Variants in FTO observed in about 807,000 individuals in gnomAD.
FTO encodes alpha-ketoglutarate-dependent dioxygenase FTO.
FTO carries 47 observed loss-of-function variants against 63.9 expected under a neutral mutation model. The ratio of observed to expected loss-of-function variants is 0.74; its 90% CI spans 0.58 to 0.94. FTO has a LOEUF of 0.94. FTO is among the 40% of genes least tolerant of loss of function. FTO has a pLI of 0.00. For synonymous variants in FTO, 207 were observed against 224.4 expected (o/e 0.92, Z 0.69); for missense variants, 562 against 618.1 (o/e 0.91, Z 0.96).
intron 4 of FTO, among the ~76,000 whole-genome samples, chr16:53,849,057 A>G (rs775648309): frequency 1.3e-5 from 2 of 152,242 alleles, no homozygotes; most frequent in Non-Finnish European, 2.9e-5. Flanking sequence ...TGCAATAGAA[A>G]TGTAAATGCA....
intron 1 of FTO, among the ~76,000 whole-genome samples, chr16:53,724,742 T>C (rs2151496029): frequency 6.6e-6 from 1 of 152,316 alleles, no homozygotes; most frequent in Admixed American, 6.5e-5. Flanking sequence ...TCAGTTTCTT[T>C]TCCTACATGA....
Position 53,888,699 on chromosome 16 carries a change from A to T in FTO, c.1120-133A>T, listed in dbSNP as rs114569670. On this transcript the variant is annotated intron_variant, in intron 6 of 8. Coordinates refer to ENST00000471389, the MANE Select transcript of FTO (RefSeq NM_001080432.3). ...TGCCAGCTTACACTGGGAACTGGTT[A>T]GGCTGACCTTTCTCACCTTTTCTCA... is the stretch of plus-strand genomic sequence containing the variant. The T allele has an allele frequency of 6.9e-4, 646 of 937,676 alleles. 4 individuals are homozygous for T. The African/African-American group carries it at 7.6e-3, about 11-fold the overall frequency. The allele number at this position is 937,676 out of a possible 1,614,324, so 58.1% of individuals were successfully genotyped here.
At chr16:54,002,917 G>T (rs954198484) in intron 8 of FTO, among the ~76,000 whole-genome samples, 4 of 152,198 alleles carry the variant, frequency 2.6e-5, no homozygotes, top group African/African-American at 9.7e-5. Context: ...GACTTTCCCT[G>T]GGGGTCAGGT....
chr16:53,916,973 G>A lies in FTO; in HGVS notation c.1240-17012G>A, dbSNP rs1284094378. ...TGTGTGTCCAAGTGAGACTGTAGTCGGGGAGAGTCCCTGATTGGAGTCTCA... is the reference window on the plus strand; with the variant it reads ...TGTGTGTCCAAGTGAGACTGTAGTCAGGGAGAGTCCCTGATTGGAGTCTCA... On this transcript the variant is annotated intron_variant, in intron 7 of 8. Coordinates refer to ENST00000471389, the MANE Select transcript of FTO (RefSeq NM_001080432.3). Among the ~76,000 whole-genome samples the A allele has an allele frequency of 2.6e-5, 4 of 152,118 alleles. 1 individual carries two copies. The highest frequency in any genetic ancestry group is 7.2e-5 in the African/African-American group (3 of 41,408).
chr16:54,090,604 C>T (rs1473756444), intron 8 of FTO, among the ~76,000 whole-genome samples: 4 of 152,142 alleles, frequency 2.6e-5, no homozygotes, highest in Admixed American at 6.5e-5. Flanking sequence ...AGCATGTCAT[C>T]GACAGTTACA....
chr16:53,991,303 C>T (rs768282393), intron 8 of FTO: 6 of 152,188 alleles, frequency 3.9e-5, no homozygotes, highest in Non-Finnish European at 8.8e-5. Context: ...GATTAATAAG[C>T]ACTGTTAATT....
At chr16:54,033,816 TTAAAA>T (rs1323693838) in intron 8 of FTO, among the ~76,000 whole-genome samples, 2 of 151,966 alleles carry the variant, frequency 1.3e-5, no homozygotes, top group African/African-American at 4.8e-5. Flanking sequence ...ACCCAGTCTC[TTAAAA>T]TAAATAAATA....
chr16:54,057,534 G>T (rs2085463813), intron 8 of FTO, among the ~76,000 whole-genome samples: 1 of 152,134 alleles, frequency 6.6e-6, no homozygotes, highest in Admixed American at 6.5e-5. Flanking sequence ...CACGATCTCG[G>T]CTCACTGCAA....
At position 53,855,032 on chromosome 16, in the gene FTO, A is replaced by ATT. The variant is rs150118790; in HGVS notation, c.895+10735_895+10736dup. 7.7e-4 allele frequency among the ~76,000 whole-genome samples: 115 copies of ATT among 149,880 alleles called. 1 individual carries two copies. Among genetic ancestry groups the ATT allele is most frequent in the South Asian group, 3.6e-3 (17 of 4,786 alleles). On this transcript the variant is annotated intron_variant, in intron 4 of 8. Transcript: ENST00000471389. ...CAAGTTTATTTCTAGGTACTTTATT[A>ATT]TTATTATTTTTTTTAGCTATTATCA...
intron 7 of FTO, among the ~76,000 whole-genome samples, chr16:53,896,918 A>G (rs1041891208): frequency 6.6e-6 from 1 of 152,190 alleles, no homozygotes; most frequent in Non-Finnish European, 1.5e-5. Flanking sequence ...TCCATATTGT[A>G]CAGAAATGTC....
At chr16:54,068,151 T>C (rs2085777677) in intron 8 of FTO, among the ~76,000 whole-genome samples, 1 of 152,170 alleles carries the variant, frequency 6.6e-6, no homozygotes. Flanking sequence ...TTTGAGAAGC[T>C]TCCCCACGGT....
At chr16:53,993,856 T>C (rs2083871387) in intron 8 of FTO, 1 of 152,240 alleles carries the variant, frequency 6.6e-6, no homozygotes, top group East Asian at 1.9e-4. Flanking sequence ...CAAATAATTG[T>C]AGGATTTACG....
intron 7 of FTO, among the ~76,000 whole-genome samples, chr16:53,911,830 G>A (rs1276573822): frequency 6.6e-6 from 1 of 152,182 alleles, no homozygotes; most frequent in African/African-American, 2.4e-5. Flanking sequence ...ACTGGGCTCT[G>A]GCCGTGGTTT....
At chr16:54,098,394 G>A (rs1407575059) in intron 8 of FTO, among the ~76,000 whole-genome samples, 3 of 152,130 alleles carry the variant, frequency 2.0e-5, no homozygotes, top group Non-Finnish European at 4.4e-5. Flanking sequence ...GGTGTTTCTT[G>A]GCATCCAAAA....
intron 1 of FTO, among the ~76,000 whole-genome samples, chr16:53,800,399 C>T (rs2078188648): frequency 6.6e-6 from 1 of 152,086 alleles, no homozygotes; most frequent in African/African-American, 2.4e-5. Context: ...TGTATTGAGA[C>T]CCAGAGATGG....
chr16:53,763,701 C>T (rs548746049), intron 1 of FTO, among the ~76,000 whole-genome samples: 9 of 152,252 alleles, frequency 5.9e-5, no homozygotes, highest in African/African-American at 1.7e-4. Context: ...TGAGACTCTC[C>T]TTTGCAACTG....
chr16:53,893,615 G>A (rs759938744), intron 7 of FTO, among the ~76,000 whole-genome samples: 2 of 151,838 alleles, frequency 1.3e-5, no homozygotes, highest in Non-Finnish European at 2.9e-5. Flanking sequence ...AGAATGCTAG[G>A]TGCGAAATCC....
rs111790664 is a variant in FTO at position 54,087,394 on chromosome 16, G to A, written c.1365-24368G>A. Among the ~76,000 whole-genome samples, 432 of 152,254 alleles carry A rather than the reference G, an allele frequency of 2.8e-3. 1 individual carries two copies. The highest frequency in any genetic ancestry group is 9.8e-3 in the African/African-American group (408 of 41,516). On this transcript the variant is annotated intron_variant, in intron 8 of 8. Transcript: ENST00000471389. ...CGCAAGGCTTCAGTTTTACTGGGAT[G>A]GCAGAAGTTTGGGGAAGGTGAGATA...
chr16:53,934,792 G>C lies in FTO; in HGVS notation c.1364+683G>C, dbSNP rs547114126. Among the ~76,000 whole-genome samples the C allele has an allele frequency of 2.1e-4, 32 of 152,168 alleles. 1 individual carries two copies. The East Asian group carries it at 5.6e-3, about 27-fold the overall frequency. ...TATGGTGTTATAATCTTATGGGACG[G>C]GACCACTGACATATATAAGGTTCGC... On this transcript the variant is annotated intron_variant, in intron 8 of 8. Transcript: ENST00000471389.
Sources: gnomAD v4.1 joint callset for allele counts (sites outside exome capture counted in the v4.1 genomes callset) on GRCh38, gnomAD v4.1.1 for gene constraint, MANE v1.5 for transcripts, NCBI Gene and HGNC (gene_info 2026-07-23, HGNC 2026-07-21) for gene names.